The following CASK variants were observed in gnomAD, a reference collection of about 807,000 sequenced individuals.
The protein encoded by CASK is peripheral plasma membrane protein CASK.
In CASK, 4 loss-of-function variants were observed where a neutral mutation model predicts 82.9. That is an observed-to-expected ratio of 0.05 (90% confidence interval 0.02 to 0.11). The LOEUF is 0.11. Ranked by LOEUF, CASK falls within the 10% of genes least tolerant of loss-of-function variation. The pLI is 1.00. For synonymous variants in CASK, 259 were observed against 253.5 expected (o/e 1.02, Z -0.20); for missense variants, 358 against 720.9 (o/e 0.50, Z 5.76).
chrX:41,796,532 A>G (rs1476891666), intron 2 of CASK, among the ~76,000 whole-genome samples: 1 of 112,163 alleles, frequency 8.9e-6, no homozygotes, highest in Non-Finnish European at 1.9e-5. Context: ...TTTTTGGGAA[A>G]TCACATATTT....
At chrX:41,765,198 T>C (rs2069087413) in intron 3 of CASK, among the ~76,000 whole-genome samples, 1 of 112,075 alleles carries the variant, frequency 8.9e-6, no homozygotes, top group African/African-American at 3.2e-5. Flanking sequence ...TCCACAGATA[T>C]AAATGAGGGC....
intron 22 of CASK, among the ~76,000 whole-genome samples, chrX:41,540,455 G>A (rs916970409): frequency 3.6e-5 from 4 of 111,626 alleles, no homozygotes; most frequent in Non-Finnish European, 7.5e-5. Context: ...TTGAATGATC[G>A]CCATTTGTCA....
chrX:41,678,271 T>G (rs1433841967), intron 5 of CASK, among the ~76,000 whole-genome samples: 3 of 111,405 alleles, frequency 2.7e-5, no homozygotes, highest in Non-Finnish European at 5.7e-5. Context: ...CTTGTGAGTG[T>G]CTCTTACTCT....
chrX:41,650,028 T>A (rs890612407), intron 8 of CASK, among the ~76,000 whole-genome samples: 2 of 111,379 alleles, frequency 1.8e-5, no homozygotes, highest in African/African-American at 6.5e-5. Context: ...TCTCTTTTGA[T>A]CTTTGTTGGT....
At chrX:41,778,500 G>A (rs1303510010) in intron 3 of CASK, among the ~76,000 whole-genome samples, 1 of 109,299 alleles carries the variant, frequency 9.1e-6, no homozygotes, top group East Asian at 2.8e-4. Context: ...CAAAGTGCTG[G>A]GATTACAGGT....
chrX:41,643,617 T>G (rs1489021086), intron 8 of CASK, among the ~76,000 whole-genome samples: 4 of 111,977 alleles, frequency 3.6e-5, no homozygotes, highest in African/African-American at 1.3e-4. Flanking sequence ...TTTTGCACAT[T>G]GATTTTGTAT....
At chrX:41,770,242 AATCTATCTATCTATCATCT>A (rs1319513370) in intron 3 of CASK, among the ~76,000 whole-genome samples, 23 of 106,458 alleles carry the variant, frequency 2.2e-4, no homozygotes, top group Non-Finnish European at 1.5e-4. Flanking sequence ...AAAATAATAC[AATCTATCTATCTATCATCT>A]ATCTATCTAT....
At chrX:41,718,290 G>A (rs1287089124) in intron 5 of CASK, among the ~76,000 whole-genome samples, 4 of 112,857 alleles carry the variant, frequency 3.5e-5, no homozygotes, top group Non-Finnish European at 7.5e-5. Context: ...ATAATAAATC[G>A]GTAAACGTAT....
chrX:41,887,448 A>T (rs2072070655), intron 1 of CASK, among the ~76,000 whole-genome samples: 1 of 110,673 alleles, frequency 9.0e-6, no homozygotes, highest in East Asian at 2.8e-4. Flanking sequence ...TATTTCCAAG[A>T]AAAAGGCACT....
intron 3 of CASK, among the ~76,000 whole-genome samples, chrX:41,766,263 C>T (rs1189891167): frequency 8.9e-6 from 1 of 111,771 alleles, no homozygotes; most frequent in Non-Finnish European, 1.9e-5. Flanking sequence ...TCCTAATCTG[C>T]ATTCAATAGT....
Position 41,854,214 on chromosome X carries a change from G to A in CASK, c.60-987C>T, listed in dbSNP as rs997399401. Among the ~76,000 whole-genome samples the A allele has an allele frequency of 1.1e-4, 10 of 88,095 alleles. No homozygotes were observed. In the East Asian group the frequency reaches 2.9e-3, roughly 25 times the overall value. The allele number at this position is 88,095 out of a possible 115,157, so 76.5% of individuals were successfully genotyped here. On this transcript the variant is annotated intron_variant, in intron 1 of 26. Coordinates refer to ENST00000378163, the MANE Select transcript of CASK (RefSeq NM_001367721.1). ...TGGTCCAGGGAACATGCGCGCGCGCGCGGGCGCGCGCACACACACACACAC... is the reference window on the plus strand; with the variant it reads ...TGGTCCAGGGAACATGCGCGCGCGCACGGGCGCGCGCACACACACACACAC...
At chrX:41,687,324 T>C (rs2067459696) in intron 5 of CASK, among the ~76,000 whole-genome samples, 1 of 112,176 alleles carries the variant, frequency 8.9e-6, no homozygotes, top group South Asian at 3.7e-4. Context: ...AACAGATGAA[T>C]GCATAGGGAA....
chrX:41,861,760 T>C (rs1163837636), intron 1 of CASK, among the ~76,000 whole-genome samples: 4 of 103,349 alleles, frequency 3.9e-5, no homozygotes, highest in Non-Finnish European at 5.8e-5. Flanking sequence ...CATGTATATA[T>C]ACACATATAT....
intron 3 of CASK, among the ~76,000 whole-genome samples, chrX:41,753,179 T>C (rs894666949): frequency 1.4e-4 from 16 of 112,100 alleles, no homozygotes; most frequent in African/African-American, 5.2e-4. Context: ...TGTGAAGCCT[T>C]TGCTATTAAA....
intron 8 of CASK, among the ~76,000 whole-genome samples, chrX:41,637,376 C>T (rs1359880701): frequency 6.1e-5 from 5 of 82,207 alleles, no homozygotes; most frequent in Non-Finnish European, 1.1e-4. Context: ...AATTAGGACA[C>T]GCTTTTTTTT....
chrX:41,524,631 T>C lies in CASK; in HGVS notation c.2521-597A>G, dbSNP rs377453318. ...AAAGACACTGTGTGGCTGTGGGCAATGTATAGGCCCATGAGAAAATGCTGC... is the reference window on the plus strand; with the variant it reads ...AAAGACACTGTGTGGCTGTGGGCAACGTATAGGCCCATGAGAAAATGCTGC... On this transcript the variant is annotated intron_variant, in intron 25 of 26. Transcript: ENST00000378163. 1.8e-4 allele frequency: 21 copies of C among 113,974 alleles called. 1 individual carries two copies. In the East Asian group the frequency reaches 3.3e-3, roughly 18 times the overall value. The allele number at this position is 113,974 out of a possible 1,213,427, so 9.4% of individuals were successfully genotyped here.
At chrX:41,788,187 A>C (rs1314309403) in intron 2 of CASK, among the ~76,000 whole-genome samples, 8 of 108,380 alleles carry the variant, frequency 7.4e-5, no homozygotes, top group African/African-American at 2.7e-4. Context: ...AAAGTGTTGG[A>C]TAATTCCAAA....
intron 6 of CASK, among the ~76,000 whole-genome samples, chrX:41,670,462 A>G (rs766068082): frequency 8.9e-6 from 1 of 112,470 alleles, no homozygotes; most frequent in Admixed American, 9.4e-5. Context: ...GAATACAACT[A>G]TTGGCTGGGT....
At chrX:41,650,981 C>T (rs139099917) in intron 8 of CASK, among the ~76,000 whole-genome samples, 152 of 111,759 alleles carry the variant, frequency 1.4e-3, no homozygotes, top group African/African-American at 4.7e-3. Flanking sequence ...ACATGGCATG[C>T]GATACTCAGC....
Sources: allele counts gnomAD v4.1 joint callset (sites outside exome capture counted in the v4.1 genomes callset), GRCh38; gene constraint gnomAD v4.1.1; transcripts MANE v1.5; gene names NCBI Gene and HGNC (gene_info 2026-07-23, HGNC 2026-07-21).